The following PAG1 variants were observed in gnomAD, a reference collection of about 807,000 sequenced individuals.
The protein encoded by PAG1 is phosphoprotein membrane anchor with glycosphingolipid microdomains 1, also known as phosphoprotein associated with glycosphingolipid-enriched microdomains 1.
A neutral mutation model predicts 31.7 loss-of-function variants in PAG1; 23 were observed. The observed-to-expected ratio is 0.73, with a 90% CI of 0.52 to 1.03. The LOEUF is 1.03. Ranked by LOEUF, PAG1 falls within the 50% of genes least tolerant of loss-of-function variation. PAG1 has a pLI of 0.00. For synonymous variants in PAG1, 214 were observed against 210.3 expected (o/e 1.02, Z -0.15); for missense variants, 473 against 540.7 (o/e 0.87, Z 1.24).
chr8:81,091,786 G>A (rs1174119343), intron 1 of PAG1, among the ~76,000 whole-genome samples: 2 of 151,362 alleles, frequency 1.3e-5, no homozygotes, highest in Non-Finnish European at 1.5e-5. Flanking sequence ...TTTATCAATG[G>A]GATTTAAAAA....
At chr8:80,982,157 C>T (rs923200327) in intron 7 of PAG1, among the ~76,000 whole-genome samples, 3 of 152,162 alleles carry the variant, frequency 2.0e-5, no homozygotes, top group Non-Finnish European at 2.9e-5. Context: ...TGAGTCACTG[C>T]GCCCAGCCTG....
In PAG1 at chr8:80,990,238, G is replaced by C. The variant is rs1391680437; in HGVS notation, c.177+1241C>G. Among the ~76,000 whole-genome samples the C allele has an allele frequency of 6.6e-6, 1 of 152,066 alleles. No homozygotes were observed. The highest frequency in any genetic ancestry group is 2.4e-5 in the African/African-American group (1 of 41,418). ...CATGTGGATGCAGAGGGGAGGGAAG[G>C]AAAATCCTGGGGGTCCCAGGAGGAA... is the stretch of plus-strand genomic sequence containing the variant. On this transcript the variant is annotated intron_variant, in intron 5 of 8. Transcript: ENST00000220597. The surrounding 1 kb of genome is among the most constrained non-coding windows in gnomAD (Gnocchi z 5.1).
At chr8:81,106,501 G>A (rs905337307) in intron 1 of PAG1, among the ~76,000 whole-genome samples, 4 of 151,964 alleles carry the variant, frequency 2.6e-5, no homozygotes, top group Admixed American at 2.6e-4. Flanking sequence ...CTACATTTAG[G>A]AGACTAAATT....
intron 3 of PAG1, among the ~76,000 whole-genome samples, chr8:81,000,651 A>G (rs889299272): frequency 3.3e-5 from 5 of 152,182 alleles, no homozygotes; most frequent in African/African-American, 1.2e-4. Flanking sequence ...CACGTTGGCC[A>G]GGCTGGTCTT....
chr8:81,064,332 G>A (rs1413450978), intron 2 of PAG1, among the ~76,000 whole-genome samples: 3 of 152,110 alleles, frequency 2.0e-5, no homozygotes, highest in African/African-American at 7.2e-5. Context: ...TGCCACCATT[G>A]ATCTGACAGG....
rs545287742 is a variant in PAG1, at chr8:81,070,174, G to T, written c.-233-4C>A. ...TAGGAGAAAAATCTCGTGTTTTCTG[G>T]AAAAGAAACACAAGAGAAAACAATT... On this transcript the variant is annotated splice_polypyrimidine_tract_variant and splice_region_variant and intron_variant, in intron 1 of 8. Coordinates refer to ENST00000220597, the MANE Select transcript of PAG1 (RefSeq NM_018440.4). 6.6e-6 allele frequency: 1 copy of T among 152,226 alleles called. No homozygotes were observed. The highest frequency in any genetic ancestry group is 2.4e-5 in the African/African-American group (1 of 41,538). 9.4% of individuals were successfully genotyped at this position (152,226 alleles called of 1,614,324 possible). A position where few individuals can be genotyped will look rare whatever the true frequency, so the allele number is the denominator to read the frequency against.
In PAG1 at chr8:80,970,394, G is replaced by A. The variant is rs1414813561; in HGVS notation, c.*6150C>T. 1.3e-5 allele frequency: 2 copies of A among 152,706 alleles called. No homozygotes were observed. The highest frequency in any genetic ancestry group is 1.9e-4 in the East Asian group (1 of 5,200). The allele number at this position is 152,706 out of a possible 1,614,324, so 9.5% of individuals were successfully genotyped here. On this transcript the variant is annotated 3_prime_UTR_variant, in exon 9 of 9. Transcript: ENST00000220597. ...CCCAAAGTGCTGGGATTACAGGCAT[G>A]AGCCACTGCACCCGGCCTAAAAATG...
chr8:81,020,631 T>C (rs1234636081), intron 3 of PAG1, among the ~76,000 whole-genome samples: 2 of 152,182 alleles, frequency 1.3e-5, no homozygotes, highest in Non-Finnish European at 2.9e-5. Context: ...TAAACCTCTT[T>C]CCTTTATAAA....
chr8:81,072,978 T>C (rs1809118761), intron 1 of PAG1, among the ~76,000 whole-genome samples: 1 of 152,166 alleles, frequency 6.6e-6, no homozygotes, highest in Non-Finnish European at 1.5e-5. Flanking sequence ...AAAGCAGAAC[T>C]CCTCAAAATA....
At chr8:80,998,590 C>T (rs1298495309) in intron 3 of PAG1, among the ~76,000 whole-genome samples, 1 of 48,558 alleles carries the variant, frequency 2.1e-5, no homozygotes, top group Admixed American at 2.5e-4. Flanking sequence ...TCAATTCCAA[C>T]AGGAGAAAAA....
At chr8:81,001,179 C>T (rs1413385711) in intron 3 of PAG1, among the ~76,000 whole-genome samples, 1 of 152,220 alleles carries the variant, frequency 6.6e-6, no homozygotes, top group Non-Finnish European at 1.5e-5. Context: ...TCCTTCCTTA[C>T]TCAAAATTGA....
intron 1 of PAG1, among the ~76,000 whole-genome samples, chr8:81,093,736 G>T (rs1809483690): frequency 6.6e-6 from 1 of 150,964 alleles, no homozygotes; most frequent in South Asian, 2.1e-4. Flanking sequence ...ACCCTCTCTG[G>T]ACGATCAGCC....
chr8:80,991,678 A>T, intron 4 of PAG1, 148 bp from the exon 5 acceptor site: 3 of 693,872 alleles, frequency 4.3e-6, no homozygotes, highest in Non-Finnish European at 5.2e-6. Flanking sequence ...AAAATCAGAC[A>T]GTGATTTGAT....
At chr8:81,103,953 T>C (rs1809650629) in intron 1 of PAG1, among the ~76,000 whole-genome samples, 1 of 151,950 alleles carries the variant, frequency 6.6e-6, no homozygotes, top group African/African-American at 2.4e-5. Context: ...GAAAAACAAA[T>C]GGAAAAGAAA....
chr8:81,095,374 C>T (rs1217305105), intron 1 of PAG1, among the ~76,000 whole-genome samples: 3 of 152,186 alleles, frequency 2.0e-5, no homozygotes, highest in African/African-American at 7.2e-5. Context: ...GAGTTATCTT[C>T]CTAAATATAA....
At chr8:81,065,612 A>G (rs1808991244) in intron 2 of PAG1, among the ~76,000 whole-genome samples, 4 of 152,154 alleles carry the variant, frequency 2.6e-5, no homozygotes, top group Admixed American at 2.6e-4. Context: ...AAAAAACTGG[A>G]TATTTAAAAT....
At chr8:80,983,582 G>A (rs1807353846) in intron 7 of PAG1, among the ~76,000 whole-genome samples, 1 of 152,068 alleles carries the variant, frequency 6.6e-6, no homozygotes, top group African/African-American at 2.4e-5. Flanking sequence ...TAAAGATGAT[G>A]GATTACTCAT....
intron 1 of PAG1, among the ~76,000 whole-genome samples, chr8:81,098,106 T>A (rs1189574146): frequency 2.0e-5 from 3 of 152,200 alleles, no homozygotes; most frequent in Non-Finnish European, 2.9e-5. Flanking sequence ...ACATTCACGA[T>A]GGGTCTATAG....
intron 1 of PAG1, among the ~76,000 whole-genome samples, chr8:81,072,643 G>A (rs1312500014): frequency 6.6e-6 from 1 of 152,222 alleles, no homozygotes; most frequent in African/African-American, 2.4e-5. Flanking sequence ...TTTTGAGGCT[G>A]CAGTGATCTA....
Sources: allele counts gnomAD v4.1 joint callset (sites outside exome capture counted in the v4.1 genomes callset), GRCh38; gene constraint gnomAD v4.1.1; non-coding constraint Gnocchi (gnomAD v3.1); transcripts MANE v1.5; gene names NCBI Gene and HGNC (gene_info 2026-07-23, HGNC 2026-07-21).